The following ENOSF1 variants were observed in gnomAD, a reference collection of about 807,000 sequenced individuals.
ENOSF1 encodes the protein mitochondrial enolase superfamily member 1.
Under a neutral mutation model 68.2 loss-of-function variants are expected in ENOSF1, and 73 were observed. The observed-to-expected ratio is 1.07, with a 90% CI of 0.89 to 1.30. The LOEUF is 1.30. Ranked by LOEUF, ENOSF1 falls within the 50% of genes most tolerant of loss-of-function variation. The pLI is 0.00. For missense variants in ENOSF1, 589 were observed against 554.5 expected, an observed-to-expected ratio of 1.06 and a Z score of -0.62; for synonymous variants, 223 against 210.4, an observed-to-expected ratio of 1.06 and a Z score of -0.52.
chr18:697,296 C>CA lies in ENOSF1; in HGVS notation c.252dup (p.Val85CysfsTer3), dbSNP rs1568105187. ...CTATAGAAGCCTCTGAAGTCACCAACAATGTCCTTGAGGTCCTTGTTGAGC... is the reference window on the plus strand; with the variant it reads ...CTATAGAAGCCTCTGAAGTCACCAACAAATGTCCTTGAGGTCCTTGTTGAGC... On this transcript the variant is annotated frameshift_variant, in exon 3 of 16. Transcript: ENST00000647584. LOFTEE classifies it high-confidence loss of function. 3 of 1,614,042 alleles carry CA rather than the reference C, an allele frequency of 1.9e-6. No homozygotes were observed. In the Admixed American group the frequency reaches 5.0e-5, roughly 27 times the overall value.
At chr18:706,813 ATAT>A in intron 1 of ENOSF1, 2 of 99,274 alleles carry the variant, frequency 2.0e-5, no homozygotes, top group Non-Finnish European at 2.0e-5. Flanking sequence ...ATATATATAT[ATAT>A]TTTTTTTTTT....
chr18:664,776 CAT>C, the ENOSF1 span, among the ~76,000 whole-genome samples: 1 of 150,074 alleles, frequency 6.7e-6, no homozygotes, highest in African/African-American at 2.5e-5. Context: ...TTGAGATAAT[CAT>C]GTGGTTTTTG....
At chr18:678,295 T>TG (rs1390447757) in intron 12 of ENOSF1, 1 of 306,512 alleles carries the variant, frequency 3.3e-6, no homozygotes. Context: ...CACGCTGCTC[T>TG]GCTCGTGGGC....
chr18:707,853 TA>T (rs1555674525), intron 1 of ENOSF1, among the ~76,000 whole-genome samples: 10 of 23,114 alleles, frequency 4.3e-4, no homozygotes, highest in East Asian at 1.9e-3. Flanking sequence ...AATAATGTTT[TA>T]TTATTATTAT....
At position 712,597 on chromosome 18, in the gene ENOSF1, G is replaced by A. The variant is rs1484369369; in HGVS notation, c.-10C>T. On this transcript the variant is annotated 5_prime_UTR_variant, in exon 1 of 16. Coordinates refer to ENST00000647584, the MANE Select transcript of ENOSF1 (RefSeq NM_017512.7). ...TCCTGCCGCGCACCATGGCCCCTGC[G>A]CCCCGTGGCCGCGGCCCCCGTGCGG... 18 of 1,459,680 alleles carry A rather than the reference G, an allele frequency of 1.2e-5. No homozygotes were observed. The highest frequency in any genetic ancestry group is 2.1e-5 in the Admixed American group (1 of 48,540). The allele number at this position is 1,459,680 out of a possible 1,614,324, so 90.4% of individuals were successfully genotyped here.
In ENOSF1 at chr18:690,649, C is replaced by T. The variant is rs753824568; in HGVS notation, c.536-18G>A. The T allele has an allele frequency of 2.0e-5, 32 of 1,613,190 alleles. No homozygotes were observed. Among genetic ancestry groups the T allele is most frequent in the Non-Finnish European group, 2.6e-5 (31 of 1,179,970 alleles). On this transcript the variant is annotated intron_variant, in intron 7 of 15. Transcript: ENST00000647584. Reference sequence around the variant, plus strand: ...TTGCTTCTCTGTGAAAACACAGCGCCGTCAACATTTTGCACTTTCCAGGGC... The same window carrying T: ...TTGCTTCTCTGTGAAAACACAGCGCTGTCAACATTTTGCACTTTCCAGGGC...
intron 14 of ENOSF1, 41 bp downstream of exon 14, chr18:677,304 G>A (rs1268976202): frequency 1.3e-6 from 2 of 1,525,356 alleles, no homozygotes; most frequent in Admixed American, 1.7e-5. Flanking sequence ...TGGATTGAGG[G>A]ACCCTACTGA....
chr18:666,891 A>AGATGGTGATGGTGATGGAGATGGTGATGG (rs140212927), downstream of ENOSF1, among the ~76,000 whole-genome samples: 2 of 62,146 alleles, frequency 3.2e-5, no homozygotes, highest in Admixed American at 1.3e-4. Flanking sequence ...AAAGTTCGGG[A>AGATGGTGATGGTGATGGAGATGGTGATGG]GATGGTGATG....
chr18:664,918 G>A, the ENOSF1 span, among the ~76,000 whole-genome samples: 1 of 142,258 alleles, frequency 7.0e-6, no homozygotes, highest in African/African-American at 2.8e-5. Flanking sequence ...GATTCGGTTT[G>A]CCAGTATTTT....
rs1567994190 is a variant in ENOSF1 at position 670,668 on chromosome 18, T to TATCTTCCTCTGCTGGTTCCTCAG, written c.*3614_*3636dup. 6.2e-7 allele frequency: 1 copy of TATCTTCCTCTGCTGGTTCCTCAG among 1,612,044 alleles called. No individual in the cohort carries two copies. The highest frequency in any genetic ancestry group is 1.1e-5 in the South Asian group (1 of 90,890). On this transcript the variant is annotated 3_prime_UTR_variant, in exon 16 of 16. Coordinates refer to ENST00000647584, the MANE Select transcript of ENOSF1 (RefSeq NM_017512.7). ...GGTCTTTCAAACCACCATCCCTCCT[T>TATCTTCCTCTGCTGGTTCCTCAG]ATCTTCCTCTGCTGGTTCCTCAGAT...
Position 673,028 on chromosome 18 carries a change from T to A in ENOSF1, c.*1277A>T. On this transcript the variant is annotated 3_prime_UTR_variant, in exon 16 of 16. Coordinates refer to ENST00000647584, the MANE Select transcript of ENOSF1 (RefSeq NM_017512.7). Reference sequence around the variant, plus strand: ...TTTCAAAGGAGCTCGAAGGATATTGTCAGTCTTTAGGGGTTGGGCTGGATG... The same window carrying A: ...TTTCAAAGGAGCTCGAAGGATATTGACAGTCTTTAGGGGTTGGGCTGGATG... 6.6e-7 allele frequency: 1 copy of A among 1,520,412 alleles called. No homozygotes were observed. The highest frequency in any genetic ancestry group is 9.0e-7 in the Non-Finnish European group (1 of 1,115,864). 94.2% of individuals were successfully genotyped at this position (1,520,412 alleles called of 1,614,324 possible).
At chr18:690,833 C>T in intron 7 of ENOSF1, 4 of 1,434,298 alleles carry the variant, frequency 2.8e-6, no homozygotes, top group East Asian at 2.5e-5. Context: ...TCCCCCAGGG[C>T]TCTCCCTACA....
At chr18:677,302 G>A (rs2298583) in intron 14 of ENOSF1, 43 bp downstream of exon 14, 491,562 of 1,515,520 alleles carry the variant, frequency 0.32, 82,263 homozygotes, top group East Asian at 0.46. Flanking sequence ...CCTGGATTGA[G>A]GGACCCTACT....
chr18:671,291 T>C lies in ENOSF1; in HGVS notation c.*3014A>G, dbSNP rs2075038263. 1.1e-6 allele frequency: 1 copy of C among 880,194 alleles called. No individual in the cohort carries two copies. Among genetic ancestry groups the C allele is most frequent in the Non-Finnish European group, 1.9e-6 (1 of 524,192 alleles). 54.5% of individuals were successfully genotyped at this position (880,194 alleles called of 1,614,324 possible). On this transcript the variant is annotated 3_prime_UTR_variant, in exon 16 of 16. Transcript: ENST00000647584. ...TAAATTATTTTTTTAAAAAAAGCCTTGCGGTGTCTGCATATTCTAATGTTT... is the reference window on the plus strand; with the variant it reads ...TAAATTATTTTTTTAAAAAAAGCCTCGCGGTGTCTGCATATTCTAATGTTT...
At position 677,761 on chromosome 18, in the gene ENOSF1, T is replaced by C; in HGVS notation, c.1030A>G (p.Met344Val). ...SVNENLSVLL[M>V]AKKFEIPVCP... is the part of the protein sequence containing the mutation. ...CGCTTACTTTCAAACTTTTTGGCCATCAGCAATACTGAGAGGTTCTCATTG... is the reference window on the plus strand; with the variant it reads ...CGCTTACTTTCAAACTTTTTGGCCACCAGCAATACTGAGAGGTTCTCATTG... The change falls in exon 13 of 16, where the codon ATG becomes GTG. Residue 344 changes from methionine (M) to valine (V), a missense_variant. Coordinates refer to ENST00000647584, the MANE Select transcript of ENOSF1 (RefSeq NM_017512.7). 6.2e-7 allele frequency: 1 copy of C among 1,612,880 alleles called. No homozygotes were observed. The highest frequency in any genetic ancestry group is 1.3e-5 in the African/African-American group (1 of 74,942).
chr18:680,520 A>C (rs7239738), intron 11 of ENOSF1, among the ~76,000 whole-genome samples: 37,699 of 151,758 alleles, frequency 0.25, 5,060 homozygotes, highest in East Asian at 0.37. Flanking sequence ...CTCTCCCTTT[A>C]TCTCTCTCAG....
chr18:708,372 G>A (rs2079159974), intron 1 of ENOSF1, among the ~76,000 whole-genome samples: 1 of 151,960 alleles, frequency 6.6e-6, no homozygotes, highest in African/African-American at 2.4e-5. Context: ...GGTTACATTT[G>A]AGAAGACCTG....
chr18:678,886 A>C, intron 11 of ENOSF1, 149 bp from the exon 12 acceptor site: 1 of 783,134 alleles, frequency 1.3e-6, no homozygotes, highest in East Asian at 2.7e-5. Flanking sequence ...CCAGGGGAAC[A>C]CATGCGTGCG....
intron 3 of ENOSF1, among the ~76,000 whole-genome samples, chr18:694,702 GT>G (rs2145144205): frequency 6.6e-6 from 1 of 151,818 alleles, no homozygotes; most frequent in South Asian, 2.1e-4. Context: ...GAATTAAAAG[GT>G]AGCAATAGAA....
Sources: gnomAD v4.1 joint callset for allele counts (sites outside exome capture counted in the v4.1 genomes callset) on GRCh38, gnomAD v4.1.1 for gene constraint, MANE v1.5 for transcripts, NCBI Gene and HGNC (gene_info 2026-07-23, HGNC 2026-07-21) for gene names.